Variants in SLC9A9 observed in about 807,000 individuals in gnomAD.
The protein encoded by SLC9A9 is sodium/hydrogen exchanger 9.
Under a neutral mutation model 77.8 loss-of-function variants are expected in SLC9A9, and 62 were observed. That is an observed-to-expected ratio of 0.80 (90% CI 0.65 to 0.98). SLC9A9 has a LOEUF of 0.98. Among genes scored for constraint, SLC9A9 ranks in the 50% least tolerant of loss-of-function variants. The probability of loss-of-function intolerance (pLI) is 0.00; values close to 1 mark genes in which losing one functional copy is unlikely to be tolerated. For synonymous variants in SLC9A9, 320 were observed against 283.5 expected (o/e 1.13, Z -1.29); for missense variants, 775 against 774.9 (o/e 1.00, Z 0.00).
intron 14 of SLC9A9, among the ~76,000 whole-genome samples, chr3:143,325,951 A>G (rs1036643751): frequency 1.3e-5 from 2 of 152,096 alleles, no homozygotes; most frequent in African/African-American, 4.8e-5. Context: ...TATTGTTCAT[A>G]TCTGTTTTTT....
At chr3:143,694,837 T>C (rs578104265) in intron 4 of SLC9A9, among the ~76,000 whole-genome samples, 3 of 152,278 alleles carry the variant, frequency 2.0e-5, no homozygotes, top group South Asian at 4.1e-4. Context: ...AAGACAGCAA[T>C]GAAGTATCCC....
intron 11 of SLC9A9, among the ~76,000 whole-genome samples, chr3:143,473,698 T>C (rs1308085764): frequency 6.6e-6 from 1 of 152,240 alleles, no homozygotes; most frequent in Non-Finnish European, 1.5e-5. Flanking sequence ...AATCAGTACT[T>C]TAATGTGGTC....
intron 14 of SLC9A9, among the ~76,000 whole-genome samples, chr3:143,340,676 T>A (rs1004924888): frequency 6.6e-6 from 1 of 152,198 alleles, no homozygotes; most frequent in Admixed American, 6.5e-5. Context: ...TTAGATGCAA[T>A]CATATTGAGT....
intron 14 of SLC9A9, among the ~76,000 whole-genome samples, chr3:143,322,763 A>T (rs551695422): frequency 7.5e-4 from 115 of 152,342 alleles, no homozygotes; most frequent in African/African-American, 2.7e-3. Context: ...TTTAAGAAAA[A>T]GTCTACCAGA....
At chr3:143,662,802 A>G (rs1444010784) in intron 5 of SLC9A9, among the ~76,000 whole-genome samples, 1 of 152,022 alleles carries the variant, frequency 6.6e-6, no homozygotes, top group South Asian at 2.1e-4. Context: ...GCAGCTGGGA[A>G]GCTCGAACTG....
chr3:143,774,891 C>T (rs997672381), intron 4 of SLC9A9, among the ~76,000 whole-genome samples: 4 of 152,190 alleles, frequency 2.6e-5, no homozygotes, highest in Non-Finnish European at 4.4e-5. Context: ...TCGGTTGCCT[C>T]CTCCGTTCAT....
At chr3:143,268,819 C>T (rs1406365630) in intron 15 of SLC9A9, 56 bp downstream of exon 15, 11 of 1,376,936 alleles carry the variant, frequency 8.0e-6, no homozygotes, top group African/African-American at 2.9e-5. Flanking sequence ...TCGATATTCA[C>T]CAAGTCTGTC....
intron 6 of SLC9A9, among the ~76,000 whole-genome samples, chr3:143,587,091 T>C (rs1320250311): frequency 6.6e-6 from 1 of 152,084 alleles, no homozygotes; most frequent in Admixed American, 6.5e-5. Context: ...AAGAGAAAAA[T>C]ACAAGAGGAA....
At chr3:143,509,773 T>A (rs1363841952) in intron 9 of SLC9A9, among the ~76,000 whole-genome samples, 1 of 152,218 alleles carries the variant, frequency 6.6e-6, no homozygotes, top group Admixed American at 6.5e-5. Context: ...AAAATTAGTT[T>A]ATCTGCAAAA....
At chr3:143,305,890 G>A (rs1381112342) in intron 14 of SLC9A9, among the ~76,000 whole-genome samples, 1 of 152,178 alleles carries the variant, frequency 6.6e-6, no homozygotes, top group Non-Finnish European at 1.5e-5. Context: ...CAGCTGTCAA[G>A]TGATGGAAAA....
chr3:143,349,873 A>C (rs1016876573), intron 14 of SLC9A9, among the ~76,000 whole-genome samples: 15 of 152,224 alleles, frequency 9.9e-5, no homozygotes, highest in Non-Finnish European at 1.8e-4. Flanking sequence ...TTAATTGTAG[A>C]GCATCCCCCT....
intron 14 of SLC9A9, among the ~76,000 whole-genome samples, chr3:143,357,413 A>T (rs1300667353): frequency 2.0e-5 from 3 of 152,118 alleles, no homozygotes; most frequent in Non-Finnish European, 2.9e-5. Context: ...GGTAATCAAT[A>T]AAGTATCCAT....
chr3:143,661,521 C>T (rs555419081), intron 5 of SLC9A9, among the ~76,000 whole-genome samples: 10 of 152,104 alleles, frequency 6.6e-5, no homozygotes, highest in African/African-American at 2.2e-4. Context: ...AGGAGACTAG[C>T]CCCTTGTGAT....
rs186226432 is a variant in SLC9A9, at chr3:143,716,592, A to G, written c.534-23285T>C. Among the ~76,000 whole-genome samples, 19 of 152,294 alleles carry G rather than the reference A, an allele frequency of 1.2e-4. No individual in the cohort carries two copies. In the East Asian group the frequency reaches 2.9e-3, roughly 23 times the overall value. On this transcript the variant is annotated intron_variant, in intron 4 of 15. Transcript: ENST00000316549. ...TCAGGAGGTTGTGAGAACCAAGAGGAAGAAGGACACTCAGAAAAAGCACAC... is the reference window on the plus strand; with the variant it reads ...TCAGGAGGTTGTGAGAACCAAGAGGGAGAAGGACACTCAGAAAAAGCACAC...
intron 14 of SLC9A9, among the ~76,000 whole-genome samples, chr3:143,280,453 AAATCTCTTCTCCTCCTAG>A (rs1345131576): frequency 6.6e-6 from 1 of 151,282 alleles, no homozygotes; most frequent in Non-Finnish European, 1.5e-5. Flanking sequence ...CACATGTCAC[AAATCTCTTCTCCTCCTAG>A]ACATACTTTT....
chr3:143,550,930 T>C (rs1053721041), intron 9 of SLC9A9, among the ~76,000 whole-genome samples: 4 of 152,216 alleles, frequency 2.6e-5, no homozygotes, highest in Admixed American at 6.5e-5. Flanking sequence ...TCCTCCAAAA[T>C]TCATATGTTG....
At chr3:143,413,579 G>A (rs866047877) in intron 12 of SLC9A9, among the ~76,000 whole-genome samples, 1 of 152,144 alleles carries the variant, frequency 6.6e-6, no homozygotes, top group Non-Finnish European at 1.5e-5. Flanking sequence ...AATAACTCTA[G>A]AGAACTCTTC....
intron 11 of SLC9A9, among the ~76,000 whole-genome samples, chr3:143,469,943 C>T (rs963496488): frequency 4.6e-5 from 7 of 152,148 alleles, no homozygotes; most frequent in African/African-American, 1.7e-4. Flanking sequence ...AAAAAGGCCC[C>T]ACCAGAAGTA....
At chr3:143,318,508 T>C (rs2031306176) in intron 14 of SLC9A9, among the ~76,000 whole-genome samples, 1 of 152,216 alleles carries the variant, frequency 6.6e-6, no homozygotes, top group South Asian at 2.1e-4. Context: ...TAAGCAGAGC[T>C]TGTAACTACA....
Sources: gnomAD v4.1 joint callset for allele counts (sites outside exome capture counted in the v4.1 genomes callset) on GRCh38, gnomAD v4.1.1 for gene constraint, MANE v1.5 for transcripts, NCBI Gene and HGNC (gene_info 2026-07-23, HGNC 2026-07-21) for gene names.